The following ZBTB25 variants were observed in gnomAD, a reference collection of about 807,000 sequenced individuals.
ZBTB25 encodes the protein zinc finger and BTB domain containing 25.
Under a neutral mutation model 34.2 loss-of-function variants are expected in ZBTB25, and 20 were observed. That is an observed-to-expected ratio of 0.58 (90% CI 0.41 to 0.85). The LOEUF is 0.85. ZBTB25 is among the 40% of genes least tolerant of loss of function. ZBTB25 has a pLI of 0.00. For missense variants in ZBTB25, 437 were observed against 521.8 expected (o/e 0.84, Z 1.58); for synonymous variants, 175 against 186.4 (o/e 0.94, Z 0.50).
intron 2 of ZBTB25, chr14:64,453,631 T>A (rs931892854): frequency 8.6e-6 from 6 of 701,632 alleles, no homozygotes; most frequent in African/African-American, 1.8e-5. Flanking sequence ...TGCTTATGTA[T>A]ATGTATATAA....
intron 2 of ZBTB25, among the ~76,000 whole-genome samples, chr14:64,464,031 A>T (rs879587428): frequency 2.6e-5 from 4 of 151,250 alleles, no homozygotes; most frequent in Middle Eastern, 3.4e-3. Context: ...AACAAGGCTG[A>T]CTGAATTTTT....
chr14:64,468,389 G>C (rs777293375), intron 2 of ZBTB25: 1 of 1,596,694 alleles, frequency 6.3e-7, no homozygotes, highest in Non-Finnish European at 8.5e-7. Context: ...AGAGTGCAGT[G>C]TAAAAATGGA....
chr14:64,496,877 CT>C lies in ZBTB25; in HGVS notation c.-7-6338del, dbSNP rs767788374. 7.2e-5 allele frequency among the ~76,000 whole-genome samples: 11 copies of C among 152,282 alleles called. No individual in the cohort carries two copies. In the East Asian group the frequency reaches 1.2e-3, roughly 16 times the overall value. ...TTTGAGAACCACTGCCCTACACTAT[CT>C]TTTTTTCTTTTAAATCTTGTGAGGT... is the stretch of plus-strand genomic sequence containing the variant. On this transcript the variant is annotated intron_variant, in intron 1 of 2. Coordinates refer to ENST00000608382, the MANE Select transcript of ZBTB25 (RefSeq NM_006977.5).
downstream of ZBTB25, among the ~76,000 whole-genome samples, chr14:64,475,230 G>T (rs972032441): frequency 2.6e-5 from 4 of 152,122 alleles, no homozygotes; most frequent in Admixed American, 2.6e-4. Flanking sequence ...ACAAGGTCAG[G>T]AGATGGAAAC....
At position 64,487,785 on chromosome 14, in the gene ZBTB25, T is replaced by C; in HGVS notation, c.446A>G (p.Glu149Gly). 1 of 1,614,226 alleles carries C rather than the reference T, an allele frequency of 6.2e-7. No homozygotes were observed. The highest frequency in any genetic ancestry group is 1.6e-4 in the Middle Eastern group (1 of 6,062). The change falls in exon 3 of 3, where the codon GAA (glutamate) becomes GGA (glycine). Residue 149 changes from glutamate (E) to glycine (G), a missense_variant. Transcript: ENST00000608382. ...GTTTCCACTGTTACTGGAAGGAGCT[T>C]CTTTGACCTCCAGTCCTTGTTTGAC... The part of the protein sequence containing the change: ...TVVKQGLEVK[E>G]APSSNSGNRA...
At chr14:64,467,329 A>AC (rs1263087278) in intron 2 of ZBTB25, 2 of 152,244 alleles carry the variant, frequency 1.3e-5, no homozygotes, top group African/African-American at 2.4e-5. Flanking sequence ...AGATGTATGT[A>AC]AAAGTGCATG....
At chr14:64,455,193 T>TA (rs1211646072) in intron 2 of ZBTB25, 1 of 375,214 alleles carries the variant, frequency 2.7e-6, no homozygotes, top group Non-Finnish European at 5.1e-6. Context: ...AGTGCTAACA[T>TA]AATCACAGTT....
downstream of ZBTB25, among the ~76,000 whole-genome samples, chr14:64,476,778 G>C (rs1324510829): frequency 1.3e-5 from 2 of 151,946 alleles, no homozygotes; most frequent in East Asian, 3.8e-4. Flanking sequence ...TTATCCAAAT[G>C]TTCCCTAAAT....
rs146036774 is a variant in ZBTB25 at position 64,469,388 on chromosome 14, A to T, written c.174-19750T>A. The T allele has an allele frequency of 2.6e-4, 416 of 1,614,088 alleles. 1 individual carries two copies. The African/African-American group carries it at 4.7e-3, about 18-fold the overall frequency. ...TGAAGAGAAATCCAAATCAGAAGAA[A>T]GCAAAAGAATGGAGCCAATTGCTAT... is the stretch of plus-strand genomic sequence containing the variant. On this transcript the variant is annotated intron_variant, in intron 2 of 2. Transcript: ENST00000555220.
intron 2 of ZBTB25, 147 bp from the exon 3 acceptor site, chr14:64,488,204 T>G: frequency 7.9e-7 from 1 of 1,272,196 alleles, no homozygotes; most frequent in Non-Finnish European, 1.1e-6. Context: ...AACAAAGGCT[T>G]AAACTTTCAT....
At chr14:64,495,332 G>A (rs1485286880) in intron 1 of ZBTB25, among the ~76,000 whole-genome samples, 1 of 152,136 alleles carries the variant, frequency 6.6e-6, no homozygotes, top group African/African-American at 2.4e-5. Flanking sequence ...GTGCTGTTTG[G>A]AGGCTGCTCC....
At chr14:64,456,951 T>G (rs1040569682) in intron 2 of ZBTB25, among the ~76,000 whole-genome samples, 2 of 152,222 alleles carry the variant, frequency 1.3e-5, no homozygotes, top group African/African-American at 4.8e-5. Flanking sequence ...ATATAGGACA[T>G]TGTTACAGAT....
At chr14:64,469,199 C>A in intron 2 of ZBTB25, 1 of 1,614,088 alleles carries the variant, frequency 6.2e-7, no homozygotes, top group African/African-American at 1.3e-5. Context: ...TCCTCCTTTA[C>A]CTGCAATTCC....
intron 1 of ZBTB25, chr14:64,502,731 A>G: frequency 1.0e-6 from 1 of 985,126 alleles, no homozygotes; most frequent in Non-Finnish European, 1.2e-6. Context: ...TGCAATCACC[A>G]AGGTGTCTGG....
At chr14:64,488,510 AG>A (rs1324093482) in intron 2 of ZBTB25, among the ~76,000 whole-genome samples, 2 of 152,244 alleles carry the variant, frequency 1.3e-5, no homozygotes, top group Admixed American at 6.5e-5. Context: ...AAAGGTAGAA[AG>A]AAGCTGAGTG....
At chr14:64,489,072 C>A (rs1168692300) in intron 2 of ZBTB25, among the ~76,000 whole-genome samples, 1 of 152,048 alleles carries the variant, frequency 6.6e-6, no homozygotes, top group East Asian at 1.9e-4. Flanking sequence ...CATGGTGAAA[C>A]CCTGTCTCTA....
At chr14:64,466,721 A>C (rs1403168768) in intron 2 of ZBTB25, among the ~76,000 whole-genome samples, 1 of 152,224 alleles carries the variant, frequency 6.6e-6, no homozygotes, top group African/African-American at 2.4e-5. Flanking sequence ...TACAGTTCAT[A>C]AAATTATGGG....
In ZBTB25 at chr14:64,487,397, G is replaced by A. The variant is rs1296738556; in HGVS notation, c.834C>T (p.Asp278=). The A allele has an allele frequency of 3.1e-6, 5 of 1,614,046 alleles. No individual in the cohort carries two copies. The highest frequency in any genetic ancestry group is 2.2e-5 in the South Asian group (2 of 91,082). ...GVPASILESN[D]LGEVHPLNEN... is the part of the protein sequence containing the mutation. Reference sequence around the variant, plus strand: ...CATTAAGGGGATGCACTTCACCAAGGTCATTACTTTCCAGAATGGAAGCAG... The same window carrying A: ...CATTAAGGGGATGCACTTCACCAAGATCATTACTTTCCAGAATGGAAGCAG... Residue 278 remains aspartate, a synonymous_variant, in exon 3 of 3, where the codon GAC becomes GAT. Coordinates refer to ENST00000608382, the MANE Select transcript of ZBTB25 (RefSeq NM_006977.5).
intron 2 of ZBTB25, chr14:64,469,725 T>C: frequency 2.5e-6 from 3 of 1,183,268 alleles, no homozygotes; most frequent in Non-Finnish European, 3.6e-6. Flanking sequence ...AATGAAGAAT[T>C]CTTTTATACA....
Sources: gnomAD v4.1 joint callset for allele counts (sites outside exome capture counted in the v4.1 genomes callset) on GRCh38, gnomAD v4.1.1 for gene constraint, MANE v1.5 for transcripts, NCBI Gene and HGNC (gene_info 2026-07-23, HGNC 2026-07-21) for gene names.